CRTAC1: variants seen among roughly 807,000 people sequenced by gnomAD.
CRTAC1 encodes the protein acidic secreted protein in cartilage.
A neutral mutation model predicts 67.8 loss-of-function variants in CRTAC1; 37 were observed. The observed-to-expected ratio is 0.55, with a 90% CI of 0.42 to 0.72. CRTAC1 has a LOEUF of 0.72. CRTAC1 is among the 30% of genes least tolerant of loss of function. The pLI, the probability that CRTAC1 is intolerant of heterozygous loss-of-function variation, is 0.00. For missense variants in CRTAC1, 780 were observed against 931.6 expected, an observed-to-expected ratio of 0.84 and a Z score of 2.12; for synonymous variants, 348 against 371.0, an observed-to-expected ratio of 0.94 and a Z score of 0.71.
intron 2 of CRTAC1, among the ~76,000 whole-genome samples, chr10:97,940,949 A>G (rs940501950): frequency 3.9e-5 from 6 of 152,320 alleles, no homozygotes; most frequent in African/African-American, 1.4e-4. Context: ...CCTGTCCCCA[A>G]ACATCCCGCC....
chr10:97,953,831 ATAT>A (rs2051398444), intron 2 of CRTAC1, among the ~76,000 whole-genome samples: 1 of 152,190 alleles, frequency 6.6e-6, no homozygotes, highest in African/African-American at 2.4e-5. Context: ...ATGAGCAAAC[ATAT>A]TATTTCAACT....
At chr10:97,906,831 T>C (rs1295767097) in intron 6 of CRTAC1, among the ~76,000 whole-genome samples, 1 of 152,114 alleles carries the variant, frequency 6.6e-6, no homozygotes, top group Non-Finnish European at 1.5e-5. Flanking sequence ...GCTGGGGTGG[T>C]AGGTACTCGT....
intron 7 of CRTAC1, 111 bp downstream of exon 7, chr10:97,904,558 T>C (rs1404161692): frequency 6.5e-5 from 67 of 1,028,186 alleles, no homozygotes; most frequent in Non-Finnish European, 2.9e-5. Context: ...TAGCTGGGAT[T>C]ATAGGCACGC....
intron 11 of CRTAC1, among the ~76,000 whole-genome samples, chr10:97,890,212 C>T (rs1291863820): frequency 6.6e-6 from 1 of 152,062 alleles, no homozygotes; most frequent in Non-Finnish European, 1.5e-5. Flanking sequence ...AAACTCCTGG[C>T]CTTGAGCGAT....
chr10:97,879,525 A>G lies in CRTAC1; in HGVS notation c.1819+724T>C, dbSNP rs148027477. 6.3e-4 allele frequency: 539 copies of G among 851,400 alleles called. No individual in the cohort carries two copies. In the African/African-American group the frequency reaches 8.3e-3, roughly 13 times the overall value. The allele number at this position is 851,400 out of a possible 1,614,324, so 52.7% of individuals were successfully genotyped here. On this transcript the variant is annotated intron_variant, in intron 14 of 14. Coordinates refer to ENST00000370597, the MANE Select transcript of CRTAC1 (RefSeq NM_018058.7). ...ACTAAGGTTGTGTCAGTATCGCCCA[A>G]CCTTCCCTTTTCAAAGATGGCCACC...
intron 1 of CRTAC1, among the ~76,000 whole-genome samples, chr10:98,021,088 A>G (rs1378844181): frequency 3.3e-5 from 5 of 152,200 alleles, no homozygotes; most frequent in Non-Finnish European, 7.3e-5. Context: ...TCTGGGCACT[A>G]GGAAAACAGC....
rs569251905 is a variant in CRTAC1, at chr10:97,997,023, G to A, written c.224+14115C>T. On this transcript the variant is annotated intron_variant, in intron 2 of 14. Transcript: ENST00000370597. ...CACCGCATGTTCTCACTCATAAGTG[G>A]GAATTGAACAATGAGAACACATGGA... Among the ~76,000 whole-genome samples, 113 of 144,084 alleles carry A rather than the reference G, an allele frequency of 7.8e-4. 2 individuals carry two copies. The South Asian group carries it at 0.025, about 32-fold the overall frequency. 94.5% of individuals were successfully genotyped at this position (144,084 alleles called of 152,430 possible). A position where few individuals can be genotyped will look rare whatever the true frequency, so the allele number is the denominator to read the frequency against.
intron 2 of CRTAC1, among the ~76,000 whole-genome samples, chr10:97,993,685 T>C (rs1842501641): frequency 6.6e-6 from 1 of 152,234 alleles, no homozygotes; most frequent in Admixed American, 6.5e-5. Flanking sequence ...TCCTCTTATC[T>C]AAAATCCTCC....
intron 2 of CRTAC1, among the ~76,000 whole-genome samples, chr10:97,956,165 C>G (rs1269351331): frequency 1.3e-5 from 2 of 152,220 alleles, no homozygotes; most frequent in African/African-American, 4.8e-5. Context: ...TATTCCAAAA[C>G]AGCTGCTTAA....
intron 12 of CRTAC1, among the ~76,000 whole-genome samples, chr10:97,883,376 C>G (rs2050240939): frequency 6.6e-6 from 1 of 152,190 alleles, no homozygotes; most frequent in Admixed American, 6.5e-5. Context: ...GGGAGCCGGC[C>G]CTGCCAGGCT....
chr10:98,020,627 G>A (rs1265819510), intron 1 of CRTAC1, among the ~76,000 whole-genome samples: 1 of 152,248 alleles, frequency 6.6e-6, no homozygotes, highest in East Asian at 1.9e-4. Context: ...GCCTGGGGAA[G>A]CTGGGGAAGG....
chr10:97,975,971 C>G lies in CRTAC1; in HGVS notation c.224+35167G>C, dbSNP rs768190346. Among the ~76,000 whole-genome samples, 30 of 152,314 alleles carry G rather than the reference C, an allele frequency of 2.0e-4. No homozygotes were observed. Among genetic ancestry groups the G allele is most frequent in the Non-Finnish European group, 4.1e-4 (28 of 68,030 alleles). The stretch of plus-strand genomic sequence containing the variant: ...TACATCTTCGGGCCCCTATAGAGAC[C>G]ACTGACGTGGAGCCCCCAAACCCAG... On this transcript the variant is annotated intron_variant, in intron 2 of 14. Coordinates refer to ENST00000370597, the MANE Select transcript of CRTAC1 (RefSeq NM_018058.7). This position sits in a 1 kb window ranked among gnomAD's most constrained non-coding sequence, Gnocchi z 4.8.
At chr10:97,979,369 G>A (rs146113847) in intron 2 of CRTAC1, among the ~76,000 whole-genome samples, 27 of 152,266 alleles carry the variant, frequency 1.8e-4, no homozygotes, top group South Asian at 1.2e-3. Context: ...CCGAACCACC[G>A]TGGGGAAGGA....
chr10:98,026,624 C>T (rs1359285101), intron 1 of CRTAC1, among the ~76,000 whole-genome samples: 1 of 151,966 alleles, frequency 6.6e-6, no homozygotes, highest in African/African-American at 2.4e-5. Flanking sequence ...TCCACGTGAT[C>T]CTGCACCTCC....
At chr10:97,891,489 G>T (rs891289290) in intron 11 of CRTAC1, among the ~76,000 whole-genome samples, 1 of 152,168 alleles carries the variant, frequency 6.6e-6, no homozygotes, top group African/African-American at 2.4e-5. Context: ...GATTTCTCTC[G>T]CCTGAGTCCT....
intron 1 of CRTAC1, among the ~76,000 whole-genome samples, chr10:98,011,737 T>C (rs1468750838): frequency 6.6e-6 from 1 of 152,164 alleles, no homozygotes; most frequent in Admixed American, 6.5e-5. Context: ...GTTCACATAA[T>C]AGGCACTTCT....
intron 2 of CRTAC1, among the ~76,000 whole-genome samples, chr10:97,991,946 G>A (rs1384147869): frequency 6.6e-6 from 1 of 152,154 alleles, no homozygotes; most frequent in Admixed American, 6.5e-5. Context: ...CTTTTATAAT[G>A]AGACTTACCA....
intron 11 of CRTAC1, among the ~76,000 whole-genome samples, chr10:97,885,689 T>C (rs1413205967): frequency 2.0e-5 from 3 of 152,006 alleles, no homozygotes; most frequent in Non-Finnish European, 2.9e-5. Flanking sequence ...GAGAGGCTGC[T>C]CTCAGGTCAG....
chr10:97,919,615 C>T (rs1262259679), intron 4 of CRTAC1, among the ~76,000 whole-genome samples: 2 of 152,100 alleles, frequency 1.3e-5, no homozygotes, highest in African/African-American at 4.8e-5. Context: ...GGTCCCTACA[C>T]CAGTGGCATT....
Sources: allele counts gnomAD v4.1 joint callset (sites outside exome capture counted in the v4.1 genomes callset), GRCh38; gene constraint gnomAD v4.1.1; non-coding constraint Gnocchi (gnomAD v3.1); transcripts MANE v1.5; gene names NCBI Gene and HGNC (gene_info 2026-07-23, HGNC 2026-07-21).